SEMG2: variants seen among roughly 807,000 people sequenced by gnomAD.
SEMG2 encodes the protein semenogelin-2.
Under a neutral mutation model 8.1 loss-of-function variants are expected in SEMG2, and 3 were observed. That is an observed-to-expected ratio of 0.37 (90% CI 0.17 to 0.96). The LOEUF (loss-of-function observed/expected upper bound fraction) is 0.96, where lower values mean the gene tolerates loss of function less well. SEMG2 is among the 40% of genes least tolerant of loss of function. SEMG2 has a pLI of 0.41. For synonymous variants in SEMG2, 252 were observed against 231.4 expected (o/e 1.09, Z -0.81); for missense variants, 726 against 671.2 (o/e 1.08, Z -0.90).
chr20:45,223,131 A>G lies in SEMG2; in HGVS notation c.1499A>G (p.Lys500Arg), dbSNP rs1369376637. ...AGCAGTATTTCTTTCCAAATTGAAAAGCTAGTAGAAGGCAAGTCTCAAATC... is the reference window on the plus strand; with the variant it reads ...AGCAGTATTTCTTTCCAAATTGAAAGGCTAGTAGAAGGCAAGTCTCAAATC... ...SQSSISFQIE[K>R]LVEGKSQIQT... The change falls in exon 2 of 3, where the codon AAG (lysine) becomes AGG (arginine). Residue 500 changes from lysine to arginine, a missense_variant. By Grantham distance (26) the Lys-to-Arg change is conservative (BLOSUM62 2). Coordinates refer to ENST00000372769, the MANE Select transcript of SEMG2 (RefSeq NM_003008.3). 6.2e-7 allele frequency: 1 copy of G among 1,614,058 alleles called. No homozygotes were observed. Among genetic ancestry groups the G allele is most frequent in the South Asian group, 1.1e-5 (1 of 91,062 alleles).
In SEMG2 at chr20:45,221,860, T is replaced by C. The variant is rs1984021559; in HGVS notation, c.228T>C (p.His76=). 6.2e-7 allele frequency: 1 copy of C among 1,614,122 alleles called. No homozygotes were observed. The highest frequency in any genetic ancestry group is 1.7e-5 in the Admixed American group (1 of 60,012). The change falls in exon 2 of 3, where the codon CAT becomes CAC. Residue 76 remains histidine, a synonymous_variant. Coordinates refer to ENST00000372769, the MANE Select transcript of SEMG2 (RefSeq NM_003008.3). ...QHTYHVDIND[H]DWTRKSQQYD... ...CATATCATGTAGACATCAATGATCA[T>C]GACTGGACCCGAAAAAGTCAGCAAT...
intron 2 of SEMG2, among the ~76,000 whole-genome samples, chr20:45,223,649 A>G (rs564057434): frequency 6.6e-6 from 1 of 152,332 alleles, no homozygotes; most frequent in African/African-American, 2.4e-5. Flanking sequence ...TTAATTGAGT[A>G]TTCTTCAATA....
chr20:45,223,825 C>T (rs73907865), intron 2 of SEMG2, among the ~76,000 whole-genome samples: 1 of 152,076 alleles, frequency 6.6e-6, no homozygotes, highest in African/African-American at 2.4e-5. Flanking sequence ...TTAATATTTT[C>T]TTTCTGCACA....
chr20:45,221,719 A>C lies in SEMG2; in HGVS notation c.87A>C (p.Lys29Asn). ...AAVMGQKGGS[K>N]GQLPSGSSQF... Reference sequence around the variant, plus strand: ...ATTATCAATTACCAGGTGGATCAAAAGGCCAATTGCCAAGCGGATCTTCCC... The same window carrying C: ...ATTATCAATTACCAGGTGGATCAAACGGCCAATTGCCAAGCGGATCTTCCC... The change falls in exon 2 of 3, where the codon AAA becomes AAC. Residue 29 changes from lysine to asparagine, a missense_variant. Physicochemically the swap from Lys to Asn is moderately conservative, Grantham distance 94. Transcript: ENST00000372769. The C allele has an allele frequency of 1.2e-6, 2 of 1,606,238 alleles. No homozygotes were observed. Among genetic ancestry groups the C allele is most frequent in the Non-Finnish European group, 1.7e-6 (2 of 1,177,164 alleles).
rs753190389 is a variant in SEMG2, at chr20:45,221,426, C to T, written c.37C>T (p.Leu13Phe). Residue 13 changes from leucine to phenylalanine, a missense_variant, in exon 1 of 3, where the codon CTT becomes TTT. Physicochemically the swap from Leu to Phe is conservative, Grantham distance 22. Transcript: ENST00000372769. ...CATCCTCTTTGTCCTTTCCCTGCTC[C>T]TTATCTTGGAGAAGCAAGCAGCTGT... Reference protein sequence around the residue: ...SIILFVLSLLLILEKQAAVMG... With the variant: ...SIILFVLSLLFILEKQAAVMG... 5.6e-6 allele frequency: 9 copies of T among 1,614,016 alleles called. No homozygotes were observed. Among genetic ancestry groups the T allele is most frequent in the Middle Eastern group, 1.6e-4 (1 of 6,084 alleles).
In SEMG2 at chr20:45,222,099, C is replaced by T. The variant is rs1436404923; in HGVS notation, c.467C>T (p.Ser156Phe). 1 of 1,613,848 alleles carries T rather than the reference C, an allele frequency of 6.2e-7. No homozygotes were observed. The highest frequency in any genetic ancestry group is 1.7e-5 in the Admixed American group (1 of 59,986). ...QGNSPSGKGL[S>F]SQCSNTEKRL... Reference sequence around the variant, plus strand: ...AATAGCCCATCTGGAAAGGGATTATCCAGTCAATGTTCAAACACAGAAAAA... The same window carrying T: ...AATAGCCCATCTGGAAAGGGATTATTCAGTCAATGTTCAAACACAGAAAAA... The change falls in exon 2 of 3, where the codon TCC becomes TTC. Residue 156 changes from serine (S) to phenylalanine (F), a missense_variant. By Grantham distance (155) the Ser-to-Phe change is radical. Coordinates refer to ENST00000372769, the MANE Select transcript of SEMG2 (RefSeq NM_003008.3).
chr20:45,223,357 A>G lies in SEMG2; in HGVS notation c.1725A>G (p.Glu575=). Residue 575 remains glutamate, a synonymous_variant, in exon 2 of 3, where the codon GAA becomes GAG. Coordinates refer to ENST00000372769, the MANE Select transcript of SEMG2 (RefSeq NM_003008.3). ...ATCATTTGACACAACAATATAATGA[A>G]GACAGAAATCCAATATCTACATAGC... ...QDDHLTQQYN[E]DRNPIST The G allele has an allele frequency of 6.2e-7, 1 of 1,612,972 alleles. No individual in the cohort carries two copies.
At position 45,222,074 on chromosome 20, in the gene SEMG2, A is replaced by G. The variant is rs1040086710; in HGVS notation, c.442A>G (p.Asn148Asp). 10 of 1,613,936 alleles carry G rather than the reference A, an allele frequency of 6.2e-6. No homozygotes were observed. Among genetic ancestry groups the G allele is most frequent in the Non-Finnish European group, 8.5e-6 (10 of 1,179,976 alleles). Residue 148 changes from asparagine (N) to aspartate (D), a missense_variant, in exon 2 of 3, where the codon AAT becomes GAT. Asn to Asp is a conservative substitution (Grantham distance 23). Transcript: ENST00000372769. ...ACAAAATCCTTCTCAAGATCAGGGG[A>G]ATAGCCCATCTGGAAAGGGATTATC... is the stretch of plus-strand genomic sequence containing the variant. ...GTQNPSQDQG[N>D]SPSGKGLSSQ...
At position 45,224,435 on chromosome 20, in the gene SEMG2, A is replaced by G. The variant is rs559963906; in HGVS notation, c.*189A>G. On this transcript the variant is annotated 3_prime_UTR_variant, in exon 3 of 3. Coordinates refer to ENST00000372769, the MANE Select transcript of SEMG2 (RefSeq NM_003008.3). ...AACCCGGAGCCCCTTCAAACTTCCA[A>G]TAAAGGGATCATTTTCTGCTTTATC... The G allele has an allele frequency of 6.6e-5, 10 of 152,282 alleles. No individual in the cohort carries two copies. The highest frequency in any genetic ancestry group is 2.2e-4 in the African/African-American group (9 of 41,534). The allele number at this position is 152,282 out of a possible 1,614,324, so 9.4% of individuals were successfully genotyped here.
Position 45,221,881 on chromosome 20 carries a change from G to A in SEMG2, c.249G>A (p.Gln83=), listed in dbSNP as rs2145591212. The A allele has an allele frequency of 6.2e-7, 1 of 1,613,918 alleles. No homozygotes were observed. The part of the protein sequence containing the change: ...INDHDWTRKS[Q]QYDLNALHKA... ...ATCATGACTGGACCCGAAAAAGTCAGCAATATGATTTGAATGCCCTACATA... is the reference window on the plus strand; with the variant it reads ...ATCATGACTGGACCCGAAAAAGTCAACAATATGATTTGAATGCCCTACATA... Residue 83 remains glutamine, a synonymous_variant, in exon 2 of 3, where the codon CAG becomes CAA. Coordinates refer to ENST00000372769, the MANE Select transcript of SEMG2 (RefSeq NM_003008.3).
chr20:45,223,227 A>G lies in SEMG2; in HGVS notation c.1595A>G (p.Asp532Gly). The stretch of plus-strand genomic sequence containing the variant: ...AAAGGAAAGTCTGGTCAATCTGCAG[A>G]TAGCAAACAAGACCTACTCAGTCAT... ...NAKGKSGQSA[D>G]SKQDLLSHEQ... is the part of the protein sequence containing the mutation. The change falls in exon 2 of 3, where the codon GAT (aspartate) becomes GGT (glycine). Residue 532 changes from aspartate to glycine, a missense_variant. Physicochemically the swap from Asp to Gly is moderately conservative, Grantham distance 94 (BLOSUM62 -1). Coordinates refer to ENST00000372769, the MANE Select transcript of SEMG2 (RefSeq NM_003008.3). The G allele has an allele frequency of 6.2e-7, 1 of 1,614,204 alleles. No individual in the cohort carries two copies. The highest frequency in any genetic ancestry group is 8.5e-7 in the Non-Finnish European group (1 of 1,180,034).
At position 45,222,884 on chromosome 20, in the gene SEMG2, C is replaced by A. The variant is rs370772597; in HGVS notation, c.1252C>A (p.Leu418Ile). The change falls in exon 2 of 3, where the codon CTC becomes ATC. Residue 418 changes from leucine (L) to isoleucine (I), a missense_variant. By Grantham distance (5) the Leu-to-Ile change is conservative (BLOSUM62 2). Coordinates refer to ENST00000372769, the MANE Select transcript of SEMG2 (RefSeq NM_003008.3). ...YQSSSTEERR[L>I]NSGEKDVQKG... is the part of the protein sequence containing the mutation. Reference sequence around the variant, plus strand: ...ATCTTCGAGTACAGAAGAAAGACGTCTCAACAGTGGAGAAAAGGATGTACA... The same window carrying A: ...ATCTTCGAGTACAGAAGAAAGACGTATCAACAGTGGAGAAAAGGATGTACA... 1 of 1,613,588 alleles carries A rather than the reference C, an allele frequency of 6.2e-7. No homozygotes were observed. The highest frequency in any genetic ancestry group is 1.7e-5 in the Admixed American group (1 of 59,956).
Position 45,222,250 on chromosome 20 carries a change from A to G in SEMG2, c.618A>G (p.Gln206=), listed in dbSNP as rs747320949. ...LQTEELVVNK[Q]QRETKNSHQN... The stretch of plus-strand genomic sequence containing the variant: ...CTGAAGAACTAGTAGTTAACAAACA[A>G]CAACGTGAGACTAAAAATTCTCATC... The change falls in exon 2 of 3, where the codon CAA becomes CAG. Residue 206 remains glutamine, a synonymous_variant. Coordinates refer to ENST00000372769, the MANE Select transcript of SEMG2 (RefSeq NM_003008.3). The G allele has an allele frequency of 6.8e-6, 11 of 1,614,172 alleles. No individual in the cohort carries two copies. Among genetic ancestry groups the G allele is most frequent in the South Asian group, 1.1e-5 (1 of 91,072 alleles).
rs1377444097 is a variant in SEMG2, at chr20:45,221,437, G to A, written c.48G>A (p.Glu16=). 1 of 1,614,170 alleles carries A rather than the reference G, an allele frequency of 6.2e-7. No individual in the cohort carries two copies. The highest frequency in any genetic ancestry group is 2.2e-5 in the East Asian group (1 of 44,882). ...TCCTTTCCCTGCTCCTTATCTTGGA[G>A]AAGCAAGCAGCTGTGATGGGACAAA... The part of the protein sequence containing the change: ...LFVLSLLLIL[E]KQAAVMGQKG... Residue 16 remains glutamate (E), a synonymous_variant, in exon 1 of 3, where the codon GAG becomes GAA. Transcript: ENST00000372769.
At position 45,221,759 on chromosome 20, in the gene SEMG2, C is replaced by A. The variant is rs2233896; in HGVS notation, c.127C>A (p.Gln43Lys). Reference protein sequence around the residue: ...PSGSSQFPHGQKGQHYFGQKD... With the variant: ...PSGSSQFPHGKKGQHYFGQKD... ...CGGATCTTCCCAATTTCCACATGGA[C>A]AAAAGGGCCAGCACTATTTTGGACA... Residue 43 changes from glutamine (Q) to lysine (K), a missense_variant, in exon 2 of 3, where the codon CAA (glutamine) becomes AAA (lysine). Gln to Lys is a moderately conservative substitution (Grantham distance 53). Coordinates refer to ENST00000372769, the MANE Select transcript of SEMG2 (RefSeq NM_003008.3). 271,492 of 1,611,220 alleles carry A rather than the reference C, an allele frequency of 0.17. 24,252 individuals are homozygous for A. The highest frequency in any genetic ancestry group is 0.18 in the Middle Eastern group (1,112 of 6,048).
At position 45,222,139 on chromosome 20, in the gene SEMG2, T is replaced by C. The variant is rs761626306; in HGVS notation, c.507T>C (p.His169=). 4 of 1,614,154 alleles carry C rather than the reference T, an allele frequency of 2.5e-6. No homozygotes were observed. Among genetic ancestry groups the C allele is most frequent in the South Asian group, 1.1e-5 (1 of 91,076 alleles). The change falls in exon 2 of 3, where the codon CAT becomes CAC. Residue 169 remains histidine (H), a synonymous_variant. Coordinates refer to ENST00000372769, the MANE Select transcript of SEMG2 (RefSeq NM_003008.3). ...CSNTEKRLWV[H]GLSKEQASAS... is the part of the protein sequence containing the mutation. The stretch of plus-strand genomic sequence containing the variant: ...ACACAGAAAAAAGGCTATGGGTTCA[T>C]GGACTAAGTAAAGAACAAGCTTCAG...
Position 45,222,456 on chromosome 20 carries a change from A to C in SEMG2, c.824A>C (p.Gln275Pro). ...CAACACCAGACAAAAAATCTCAGTC[A>C]AGATCAAGAGCATGGCCGGAAGGCA... The part of the protein sequence containing the change: ...KNQHQTKNLS[Q>P]DQEHGRKAHK... Residue 275 changes from glutamine to proline, a missense_variant, in exon 2 of 3, where the codon CAA becomes CCA. Gln to Pro is a moderately conservative substitution (Grantham distance 76). Coordinates refer to ENST00000372769, the MANE Select transcript of SEMG2 (RefSeq NM_003008.3). The C allele has an allele frequency of 3.7e-6, 6 of 1,614,108 alleles. No homozygotes were observed. Among genetic ancestry groups the C allele is most frequent in the Non-Finnish European group, 4.2e-6 (5 of 1,179,998 alleles).
At position 45,221,479 on chromosome 20, in the gene SEMG2, G is replaced by A; in HGVS notation, c.76+14G>A. The A allele has an allele frequency of 6.2e-7, 1 of 1,613,922 alleles. No homozygotes were observed. On this transcript the variant is annotated intron_variant, in intron 1 of 2. Coordinates refer to ENST00000372769, the MANE Select transcript of SEMG2 (RefSeq NM_003008.3). ...TGGGACAAAAAGGTGAGTGGAGAGG[G>A]TAAGCCTTGGGGAAAGCTACTTTAA...
intron 1 of SEMG2, 28 bp from the exon 2 acceptor site, chr20:45,221,681 T>C (rs1984015575): frequency 6.5e-7 from 1 of 1,533,624 alleles, no homozygotes; most frequent in South Asian, 1.2e-5. Context: ...AGATAATGAA[T>C]GCATACATTT....
Sources: allele counts gnomAD v4.1 joint callset (sites outside exome capture counted in the v4.1 genomes callset), GRCh38; gene constraint gnomAD v4.1.1; transcripts MANE v1.5; gene names NCBI Gene and HGNC (gene_info 2026-07-23, HGNC 2026-07-21).